Variants in GALNT14 observed in about 807,000 individuals in gnomAD.
GALNT14 encodes the protein UDP-GalNAc:polypeptide N-acetylgalactosaminyltransferase 14.
In GALNT14, 60 loss-of-function variants were observed where a neutral mutation model predicts 77.5. The observed-to-expected ratio is 0.77, with a 90% CI of 0.63 to 0.96. GALNT14 has a LOEUF of 0.96. GALNT14 is among the 40% of genes least tolerant of loss of function. GALNT14 has a pLI of 0.00. For synonymous variants in GALNT14, 280 were observed against 281.7 expected, an observed-to-expected ratio of 0.99 and a Z score of 0.06; for missense variants, 710 against 731.0, an observed-to-expected ratio of 0.97 and a Z score of 0.33.
At chr2:31,106,713 A>T (rs754640392) in intron 1 of GALNT14, among the ~76,000 whole-genome samples, 1 of 152,022 alleles carries the variant, frequency 6.6e-6, no homozygotes, top group Admixed American at 6.6e-5. Context: ...CCCTGAAATT[A>T]TTTTCCTGGG....
At chr2:31,086,472 T>C (rs1293077844) in intron 1 of GALNT14, among the ~76,000 whole-genome samples, 1 of 151,976 alleles carries the variant, frequency 6.6e-6, no homozygotes, top group East Asian at 1.9e-4. Context: ...CTTGAGCAAG[T>C]AACTTCATCC....
chr2:30,908,787 C>G (rs1005247268), downstream of GALNT14, among the ~76,000 whole-genome samples: 2 of 141,990 alleles, frequency 1.4e-5, no homozygotes, highest in Admixed American at 1.4e-4. Flanking sequence ...CTGGAGGCAT[C>G]ACGCTACCTG....
At chr2:30,951,347 T>C (rs1047051973) in intron 6 of GALNT14, among the ~76,000 whole-genome samples, 1 of 152,180 alleles carries the variant, frequency 6.6e-6, no homozygotes, top group Non-Finnish European at 1.5e-5. Context: ...AGGCCACATG[T>C]TGTGTGATTC....
intron 1 of GALNT14, among the ~76,000 whole-genome samples, chr2:31,024,435 C>T (rs1394083578): frequency 6.6e-6 from 1 of 152,106 alleles, no homozygotes; most frequent in Non-Finnish European, 1.5e-5. Context: ...TACTGCTCTC[C>T]CCTCACTCCC....
intron 1 of GALNT14, among the ~76,000 whole-genome samples, chr2:31,018,228 C>T (rs1034448617): frequency 1.3e-5 from 2 of 152,240 alleles, no homozygotes; most frequent in South Asian, 2.1e-4. Context: ...GAGCCAGCTC[C>T]GAAGGACTTG....
rs1459855830 is a variant in GALNT14 at position 30,951,836 on chromosome 2, C to A, written c.654+3782G>T. Among the ~76,000 whole-genome samples the A allele has an allele frequency of 2.0e-5, 3 of 152,132 alleles. No homozygotes were observed. The East Asian group carries it at 5.8e-4, about 29-fold the overall frequency. On this transcript the variant is annotated intron_variant, in intron 6 of 14. Transcript: ENST00000349752. ...CTTTACCATGACCTCACCTAGCAGCCCCCAATATCCAAAGAGACCTGGGGC... is the reference window on the plus strand; with the variant it reads ...CTTTACCATGACCTCACCTAGCAGCACCCAATATCCAAAGAGACCTGGGGC...
intron 2 of GALNT14, among the ~76,000 whole-genome samples, chr2:30,983,605 G>A (rs879298458): frequency 4.6e-5 from 7 of 152,274 alleles, no homozygotes; most frequent in African/African-American, 1.7e-4. Context: ...CTGCCCACAG[G>A]CATTTGGCCC....
chr2:30,939,053 C>G (rs567159405), intron 9 of GALNT14, among the ~76,000 whole-genome samples: 1 of 152,324 alleles, frequency 6.6e-6, no homozygotes, highest in East Asian at 1.9e-4. Flanking sequence ...CCCATTCAGT[C>G]TCTGGCTTTT....
chr2:31,024,211 C>T (rs1671905986), intron 1 of GALNT14, among the ~76,000 whole-genome samples: 1 of 152,134 alleles, frequency 6.6e-6, no homozygotes, highest in African/African-American at 2.4e-5. Context: ...TGTCACCTGA[C>T]CCCATCTCTT....
At chr2:31,102,694 A>G (rs1464187993) in intron 1 of GALNT14, among the ~76,000 whole-genome samples, 4 of 152,084 alleles carry the variant, frequency 2.6e-5, no homozygotes, top group Admixed American at 2.6e-4. Flanking sequence ...GAGCTTCCAT[A>G]TTGATTTTTA....
At chr2:30,966,964 G>T (rs1395609291) in intron 2 of GALNT14, among the ~76,000 whole-genome samples, 1 of 152,170 alleles carries the variant, frequency 6.6e-6, no homozygotes, top group Non-Finnish European at 1.5e-5. Flanking sequence ...GTAGCCTGCA[G>T]CTTGAAAATT....
chr2:31,014,768 C>T (rs144007987), intron 1 of GALNT14, among the ~76,000 whole-genome samples: 1,557 of 152,200 alleles, frequency 0.01, 29 homozygotes, highest in African/African-American at 0.036. Context: ...CCTAAAGCAC[C>T]CCTGCGTTTA....
intron 1 of GALNT14, among the ~76,000 whole-genome samples, chr2:31,125,782 G>T (rs1678674073): frequency 6.6e-6 from 1 of 152,154 alleles, no homozygotes; most frequent in Non-Finnish European, 1.5e-5. Context: ...GCACATGATA[G>T]CTTTCAACTC....
At chr2:31,053,643 T>C (rs1674033114) in intron 1 of GALNT14, among the ~76,000 whole-genome samples, 1 of 152,296 alleles carries the variant, frequency 6.6e-6, no homozygotes, top group South Asian at 2.1e-4. Context: ...AATCCCAGGA[T>C]GGTCCTGCCG....
the GALNT14 span, among the ~76,000 whole-genome samples, chr2:30,887,920 T>C: frequency 1.8e-4 from 27 of 152,364 alleles, no homozygotes; most frequent in East Asian, 5.2e-3. Flanking sequence ...TACTCATGAC[T>C]CCTGCTCCCA....
intron 14 of GALNT14, 53 bp from the exon 15 acceptor site, chr2:30,911,112 A>C: frequency 1.9e-6 from 3 of 1,558,460 alleles, no homozygotes; most frequent in Admixed American, 1.7e-5. Flanking sequence ...GTAACATGGG[A>C]GTTCCAGCTT....
intron 1 of GALNT14, among the ~76,000 whole-genome samples, chr2:31,006,827 T>TA (rs1421966106): frequency 1.3e-5 from 2 of 152,190 alleles, no homozygotes; most frequent in African/African-American, 2.4e-5. Flanking sequence ...AAGGTGACAT[T>TA]AGCAAGAAGC....
intron 1 of GALNT14, among the ~76,000 whole-genome samples, chr2:31,061,032 G>A (rs1368502341): frequency 6.6e-6 from 1 of 151,928 alleles, no homozygotes; most frequent in Non-Finnish European, 1.5e-5. Flanking sequence ...TTCATTGTTG[G>A]TGTTTCTCTT....
intron 3 of GALNT14, among the ~76,000 whole-genome samples, chr2:30,958,703 G>A (rs1356136906): frequency 6.6e-6 from 1 of 151,836 alleles, no homozygotes; most frequent in African/African-American, 2.4e-5. Context: ...AGTTAACCTC[G>A]GCAACCCTCC....
Sources: allele counts gnomAD v4.1 joint callset (sites outside exome capture counted in the v4.1 genomes callset), GRCh38; gene constraint gnomAD v4.1.1; transcripts MANE v1.5; gene names NCBI Gene and HGNC (gene_info 2026-07-23, HGNC 2026-07-21).